Variants in PCDH15 observed in about 807,000 individuals in gnomAD.
PCDH15 encodes the protein protocadherin-15.
A neutral mutation model predicts 178.5 loss-of-function variants in PCDH15; 129 were observed. The observed-to-expected ratio is 0.72, with a 90% CI of 0.63 to 0.84. The LOEUF (loss-of-function observed/expected upper bound fraction) is 0.84. Among genes scored for constraint, PCDH15 ranks in the 40% least tolerant of loss-of-function variants. PCDH15 has a pLI of 0.00. For missense variants in PCDH15, 2,230 were observed against 2,099.9 expected, an observed-to-expected ratio of 1.06 and a Z score of -1.21; for synonymous variants, 800 against 732.0, an observed-to-expected ratio of 1.09 and a Z score of -1.50.
chr10:54,511,377 C>T (rs576871430), intron 3 of PCDH15, among the ~76,000 whole-genome samples: 197 of 152,238 alleles, frequency 1.3e-3, no homozygotes, highest in Non-Finnish European at 2.2e-3. Flanking sequence ...TCCTCTGATT[C>T]ACACTAACTT....
intron 2 of PCDH15, among the ~76,000 whole-genome samples, chr10:55,410,884 A>G (rs1220605923): frequency 6.6e-6 from 1 of 152,090 alleles, no homozygotes; most frequent in Non-Finnish European, 1.5e-5. Context: ...ACATGTACGC[A>G]TTATTGCTGC....
intron 15 of PCDH15, among the ~76,000 whole-genome samples, chr10:54,106,954 T>C (rs772315871): frequency 1.3e-5 from 2 of 152,188 alleles, no homozygotes; most frequent in African/African-American, 2.4e-5. Flanking sequence ...ATTCAAGAAA[T>C]ATTGAATCTG....
At chr10:54,907,804 T>C (rs1176634880) in intron 2 of PCDH15, among the ~76,000 whole-genome samples, 1 of 152,198 alleles carries the variant, frequency 6.6e-6, no homozygotes, top group Non-Finnish European at 1.5e-5. Flanking sequence ...TTCCTAATGA[T>C]ATAATTGAAA....
intron 2 of PCDH15, among the ~76,000 whole-genome samples, chr10:55,362,258 G>A (rs930375711): frequency 6.6e-6 from 1 of 151,872 alleles, no homozygotes; most frequent in Non-Finnish European, 1.5e-5. Flanking sequence ...ACTACTCGTG[G>A]TACTTTTTTA....
intron 2 of PCDH15, among the ~76,000 whole-genome samples, chr10:54,577,717 AC>A (rs2090632239): frequency 6.6e-6 from 1 of 151,996 alleles, no homozygotes; most frequent in African/African-American, 2.4e-5. Flanking sequence ...TAGATTCCTT[AC>A]CCAGTGTGCC....
At chr10:54,363,442 A>G (rs1045140832) in intron 5 of PCDH15, among the ~76,000 whole-genome samples, 3 of 152,174 alleles carry the variant, frequency 2.0e-5, no homozygotes, top group African/African-American at 7.2e-5. Context: ...TCTGAAGTAC[A>G]GAACAAATTA....
At chr10:54,838,406 A>G (rs1233191265) in intron 3 of PCDH15, among the ~76,000 whole-genome samples, 1 of 152,138 alleles carries the variant, frequency 6.6e-6, no homozygotes, top group African/African-American at 2.4e-5. Context: ...CCCACCTGCC[A>G]TTATGCAAGA....
intron 2 of PCDH15, among the ~76,000 whole-genome samples, chr10:54,603,886 C>T (rs922269961): frequency 6.6e-6 from 1 of 152,004 alleles, no homozygotes; most frequent in Non-Finnish European, 1.5e-5. Flanking sequence ...AGCAGTAGTG[C>T]ATTGGCAATG....
intron 8 of PCDH15, among the ~76,000 whole-genome samples, chr10:54,274,763 T>C (rs1474674156): frequency 2.6e-5 from 4 of 151,892 alleles, no homozygotes; most frequent in Non-Finnish European, 5.9e-5. Context: ...AGGATTCTAA[T>C]TCCTATACCT....
At chr10:55,079,570 C>T (rs908962201) in intron 2 of PCDH15, among the ~76,000 whole-genome samples, 1 of 152,142 alleles carries the variant, frequency 6.6e-6, no homozygotes, top group Non-Finnish European at 1.5e-5. Flanking sequence ...CAGGCCAATT[C>T]TCAGGCCTCC....
At chr10:54,560,725 G>T (rs1038728869) in intron 2 of PCDH15, among the ~76,000 whole-genome samples, 3 of 151,884 alleles carry the variant, frequency 2.0e-5, no homozygotes, top group African/African-American at 2.4e-5. Flanking sequence ...AATAAAACTT[G>T]CTCTAATTTA....
At chr10:55,090,848 A>C (rs2132035356) in intron 2 of PCDH15, among the ~76,000 whole-genome samples, 1 of 152,194 alleles carries the variant, frequency 6.6e-6, no homozygotes, top group Admixed American at 6.6e-5. Context: ...TTCAGACATT[A>C]GAATATTAAA....
chr10:54,434,562 C>A (rs2075256369), intron 3 of PCDH15, among the ~76,000 whole-genome samples: 1 of 152,154 alleles, frequency 6.6e-6, no homozygotes, highest in South Asian at 2.1e-4. Context: ...ATAAGCTATA[C>A]CATATAGCAG....
chr10:53,965,018 A>T (rs1342461243), intron 21 of PCDH15, among the ~76,000 whole-genome samples: 1 of 151,806 alleles, frequency 6.6e-6, no homozygotes, highest in African/African-American at 2.4e-5. Flanking sequence ...ATGCATTTTC[A>T]TACCTACAAT....
At chr10:55,554,260 ACT>A (rs1842047997) in intron 2 of PCDH15, among the ~76,000 whole-genome samples, 1 of 151,988 alleles carries the variant, frequency 6.6e-6, no homozygotes, top group African/African-American at 2.4e-5. Context: ...ATTAGGCATA[ACT>A]CTATTTTTCT....
intron 3 of PCDH15, among the ~76,000 whole-genome samples, chr10:54,458,991 A>G (rs373089196): frequency 1.2e-4 from 19 of 152,276 alleles, no homozygotes; most frequent in South Asian, 8.3e-4. Flanking sequence ...CACTGCATGT[A>G]TACAGTTTGC....
At chr10:54,611,806 C>T (rs187523935) in intron 2 of PCDH15, among the ~76,000 whole-genome samples, 18 of 151,994 alleles carry the variant, frequency 1.2e-4, no homozygotes, top group African/African-American at 4.3e-4. Context: ...CTAAGTCAGT[C>T]TTCCTTGTTT....
chr10:55,194,771 A>T (rs1000254250), intron 1 of PCDH15, among the ~76,000 whole-genome samples: 4 of 152,042 alleles, frequency 2.6e-5, no homozygotes, highest in Non-Finnish European at 4.4e-5. Flanking sequence ...GCCGAACGTG[A>T]TGAGCGACTA....
chr10:55,590,593 CAGAT>C (rs1348059951), intron 2 of PCDH15, among the ~76,000 whole-genome samples: 2 of 151,840 alleles, frequency 1.3e-5, no homozygotes, highest in African/African-American at 4.8e-5. Flanking sequence ...AAGACAAAAA[CAGAT>C]GGATGCTGAT....
Sources: allele counts gnomAD v4.1 joint callset (sites outside exome capture counted in the v4.1 genomes callset), GRCh38; gene constraint gnomAD v4.1.1; transcripts MANE v1.5; gene names NCBI Gene and HGNC (gene_info 2026-07-23, HGNC 2026-07-21).